The following RPL18A variants were observed in gnomAD, a reference collection of about 807,000 sequenced individuals.
The protein encoded by RPL18A is large ribosomal subunit protein eL20.
For synonymous variants in RPL18A, 122 were observed against 96.9 expected, an observed-to-expected ratio of 1.26 and a Z score of -1.52; for missense variants, 163 against 254.1, an observed-to-expected ratio of 0.64 and a Z score of 2.44.
chr19:17,862,452 G>A lies in RPL18A; in HGVS notation c.328+229G>A, dbSNP rs1599896508. 6 of 673,192 alleles carry A rather than the reference G, an allele frequency of 8.9e-6. No homozygotes were observed. In the East Asian group the frequency reaches 1.5e-4, roughly 17 times the overall value. 41.7% of individuals were successfully genotyped at this position (673,192 alleles called of 1,614,324 possible). ...AACTCCCTTTTTGGGTCTGCACCTTGTTTAGACTGGGATCCACATCACCAC... is the reference window on the plus strand; with the variant it reads ...AACTCCCTTTTTGGGTCTGCACCTTATTTAGACTGGGATCCACATCACCAC... On this transcript the variant is annotated intron_variant, in intron 3 of 4. Transcript: ENST00000222247.
In RPL18A at chr19:17,861,408, G is replaced by C; in HGVS notation, c.134G>C (p.Trp45Ser). ...PNHVVAKSRF[W>S]YFVSQLKKMK... The stretch of plus-strand genomic sequence containing the variant: ...CATGTCGTCGCCAAGTCCCGCTTCT[G>C]GTACTTTGTATCTCAGTTAAAGAAG... Residue 45 changes from tryptophan to serine, a missense_variant, in exon 2 of 5, where the codon TGG (tryptophan) becomes TCG (serine). Transcript: ENST00000222247. 1 of 1,610,244 alleles carries C rather than the reference G, an allele frequency of 6.2e-7. No individual in the cohort carries two copies. Among genetic ancestry groups the C allele is most frequent in the Non-Finnish European group, 8.5e-7 (1 of 1,177,854 alleles).
At chr19:17,862,362 A>G (rs887886305) in intron 3 of RPL18A, 139 bp downstream of exon 3, 15 of 1,075,858 alleles carry the variant, frequency 1.4e-5, no homozygotes, top group Non-Finnish European at 1.7e-5. Flanking sequence ...AGGATGCCCC[A>G]GGCCCCAGAT....
chr19:17,862,443 C>G (rs2094279136), intron 3 of RPL18A: 1 of 676,130 alleles, frequency 1.5e-6, no homozygotes, highest in Middle Eastern at 4.2e-4. Flanking sequence ...CTTTTTGGGT[C>G]TGCACCTTGT....
chr19:17,862,496 G>A (rs957144469), intron 3 of RPL18A: 14 of 687,850 alleles, frequency 2.0e-5, no homozygotes. Context: ...GGGACCCACT[G>A]AGAACCGAAT....
chr19:17,862,636 CAG>C (rs747049043), intron 3 of RPL18A: 8 of 731,028 alleles, frequency 1.1e-5, no homozygotes, highest in African/African-American at 3.4e-5. Flanking sequence ...GTGGTTTAAA[CAG>C]AGGTGCAAAC....
In RPL18A at chr19:17,861,486, G is replaced by A. The variant is rs369929292; in HGVS notation, c.198+14G>A. 5.8e-6 allele frequency: 9 copies of A among 1,559,520 alleles called. No homozygotes were observed. The highest frequency in any genetic ancestry group is 4.1e-5 in the African/African-American group (3 of 73,820). ...TACTGTGGGCAGGTATGGAGAGGCC[G>A]GGGCTACGTGGGGTCTGGAGTGGAT... On this transcript the variant is annotated intron_variant, in intron 2 of 4. Transcript: ENST00000222247.
rs954805581 is a variant in RPL18A at position 17,861,558 on chromosome 19, G to A, written c.198+86G>A. 129 of 1,092,156 alleles carry A rather than the reference G, an allele frequency of 1.2e-4. 1 individual carries two copies. In the East Asian group the frequency reaches 3.1e-3, roughly 26 times the overall value. 67.7% of individuals were successfully genotyped at this position (1,092,156 alleles called of 1,614,324 possible). ...GCATCTCAAGAATTAATCAGACATC[G>A]AACGGGTGCGGTAGCTCAACGCCTG... On this transcript the variant is annotated intron_variant, in intron 2 of 4. Coordinates refer to ENST00000222247, the MANE Select transcript of RPL18A (RefSeq NM_000980.4).
intron 2 of RPL18A, 48 bp downstream of exon 2, chr19:17,861,520 C>G (rs771239549): frequency 7.0e-7 from 1 of 1,420,810 alleles, no homozygotes; most frequent in South Asian, 1.3e-5. Context: ...ATTTGCGCCT[C>G]TTGGGACATC....
At chr19:17,861,676 G>A (rs2094277597) in intron 2 of RPL18A, 1 of 587,618 alleles carries the variant, frequency 1.7e-6, no homozygotes, top group Non-Finnish European at 3.0e-6. Flanking sequence ...TCCCTGATTA[G>A]AAAGCCAGGG....
In RPL18A at chr19:17,859,974, G is replaced by A; in HGVS notation, c.18G>A (p.Thr6=). MKASG[T]LREYKVVGRC... is the part of the protein sequence containing the mutation. ...AGCACGCCATGAAGGCCTCGGGCAC[G>A]GTAAGGCGGGCGCGGCGCGGCAGGG... is the stretch of plus-strand genomic sequence containing the variant. Residue 6 remains threonine, a splice_region_variant and synonymous_variant, in exon 1 of 5, where the codon ACG becomes ACA. Coordinates refer to ENST00000222247, the MANE Select transcript of RPL18A (RefSeq NM_000980.4). The A allele has an allele frequency of 1.3e-6, 2 of 1,527,734 alleles. No homozygotes were observed. Among genetic ancestry groups the A allele is most frequent in the Non-Finnish European group, 1.8e-6 (2 of 1,139,100 alleles). The allele number at this position is 1,527,734 out of a possible 1,614,324, so 94.6% of individuals were successfully genotyped here.
At chr19:17,860,512 C>T (rs1336647054) in intron 1 of RPL18A, among the ~76,000 whole-genome samples, 1 of 152,186 alleles carries the variant, frequency 6.6e-6, no homozygotes, top group Non-Finnish European at 1.5e-5. Flanking sequence ...TCTCCAGCTT[C>T]GGTTTCCTTG....
chr19:17,861,867 G>A (rs980213242), intron 2 of RPL18A: 8 of 584,054 alleles, frequency 1.4e-5, no homozygotes, highest in African/African-American at 5.6e-5. Context: ...GTTGGTGTCC[G>A]TGGCAGAAGC....
chr19:17,861,285 C>G lies in RPL18A; in HGVS notation c.19-8C>G, dbSNP rs529681957. On this transcript the variant is annotated splice_region_variant and splice_polypyrimidine_tract_variant and intron_variant, in intron 1 of 4. Transcript: ENST00000222247. ...GCTGGCCTTACCCTCACTCCTGTTT[C>G]CTTTCAGCTACGAGAGTACAAGGTA... 9 of 1,613,716 alleles carry G rather than the reference C, an allele frequency of 5.6e-6. No homozygotes were observed. The South Asian group carries it at 7.7e-5, about 14-fold the overall frequency.
chr19:17,859,987 C>G lies in RPL18A; in HGVS notation c.18+13C>G. On this transcript the variant is annotated intron_variant, in intron 1 of 4. Transcript: ENST00000222247. ...GGCCTCGGGCACGGTAAGGCGGGCG[C>G]GGCGCGGCAGGGGGCCAAGGGATGG... is the stretch of plus-strand genomic sequence containing the variant. 2.0e-6 allele frequency: 3 copies of G among 1,518,160 alleles called. No homozygotes were observed. Among genetic ancestry groups the G allele is most frequent in the Middle Eastern group, 2.2e-4 (1 of 4,556 alleles). 94.0% of individuals were successfully genotyped at this position (1,518,160 alleles called of 1,614,324 possible).
At chr19:17,862,322 A>G in intron 3 of RPL18A, 99 bp downstream of exon 3, 1 of 1,427,092 alleles carries the variant, frequency 7.0e-7, no homozygotes, top group Non-Finnish European at 9.5e-7. Flanking sequence ...GGAGAGTCTC[A>G]GGACTGGTGG....
rs570536399 is a variant in RPL18A, at chr19:17,863,087, G to A, written c.438+60G>A. 3.9e-6 allele frequency: 6 copies of A among 1,548,062 alleles called. 2 individuals carry two copies. In the South Asian group the frequency reaches 5.6e-5, roughly 14 times the overall value. On this transcript the variant is annotated intron_variant, in intron 4 of 4. Coordinates refer to ENST00000222247, the MANE Select transcript of RPL18A (RefSeq NM_000980.4). ...GCCTGCTCTGACGCAGGAGCCCAGT[G>A]GGGGGCGGCTACACCTTGGTGGCCC... is the stretch of plus-strand genomic sequence containing the variant.
Position 17,861,448 on chromosome 19 carries a change from A to G in RPL18A, c.174A>G (p.Ser58=). ...VSQLKKMKKS[S]GEIVYCGQVF... ...AGTTAAAGAAGATGAAGAAGTCTTC[A>G]GGGGAGATTGTCTACTGTGGGCAGG... Residue 58 remains serine, a synonymous_variant, in exon 2 of 5, where the codon TCA becomes TCG. Coordinates refer to ENST00000222247, the MANE Select transcript of RPL18A (RefSeq NM_000980.4). 1.3e-6 allele frequency: 2 copies of G among 1,597,900 alleles called. No homozygotes were observed. Among genetic ancestry groups the G allele is most frequent in the South Asian group, 1.1e-5 (1 of 89,310 alleles).
Position 17,862,223 on chromosome 19 carries a change from T to C in RPL18A, c.328T>C (p.Tyr110His). ...CACCGCAGGCGCTGTCACCCAGTGC[T>C]GTAAGCTGCCTGTCCCGCCTCCAGC... ...LTTAGAVTQC[Y>H]RDMGARHRAR... The change falls in exon 3 of 5, where the codon TAC becomes CAC. Residue 110 changes from tyrosine (Y) to histidine (H), a missense_variant and splice_region_variant. Coordinates refer to ENST00000222247, the MANE Select transcript of RPL18A (RefSeq NM_000980.4). 6.2e-7 allele frequency: 1 copy of C among 1,613,164 alleles called. No individual in the cohort carries two copies.
chr19:17,861,637 C>T (rs1426958004), intron 2 of RPL18A, 165 bp downstream of exon 2: 11 of 630,222 alleles, frequency 1.7e-5, no homozygotes, highest in South Asian at 6.0e-5. Flanking sequence ...GCCTGGGTCA[C>T]GGGACTGGAG....
Sources: gnomAD v4.1 joint callset for allele counts (sites outside exome capture counted in the v4.1 genomes callset) on GRCh38, gnomAD v4.1.1 for gene constraint, MANE v1.5 for transcripts, NCBI Gene and HGNC (gene_info 2026-07-23, HGNC 2026-07-21) for gene names.